Variants in CASK observed in about 807,000 individuals in gnomAD.
CASK encodes calcium/calmodulin dependent serine protein kinase.
A neutral mutation model predicts 82.9 loss-of-function variants in CASK; 4 were observed. That is an observed-to-expected ratio of 0.05 (90% CI 0.02 to 0.11). CASK has a LOEUF of 0.11. CASK is among the 10% of genes least tolerant of loss of function. CASK has a pLI of 1.00. For synonymous variants in CASK, 259 were observed against 253.5 expected (o/e 1.02, Z -0.20); for missense variants, 358 against 720.9 (o/e 0.50, Z 5.76).
At chrX:41,705,029 G>A (rs1387909712) in intron 5 of CASK, among the ~76,000 whole-genome samples, 1 of 112,317 alleles carries the variant, frequency 8.9e-6, no homozygotes, top group Non-Finnish European at 1.9e-5. Context: ...GCTAGAAGCT[G>A]AGGGTAAACA....
chrX:41,709,587 C>T (rs1475847662), intron 5 of CASK, among the ~76,000 whole-genome samples: 1 of 111,429 alleles, frequency 9.0e-6, no homozygotes. Flanking sequence ...GCAAGTTATC[C>T]TCTGTGGACC....
At chrX:41,626,110 T>C (rs183231855) in intron 10 of CASK, among the ~76,000 whole-genome samples, 50 of 110,083 alleles carry the variant, frequency 4.5e-4, no homozygotes, top group African/African-American at 1.5e-3. Context: ...GGCCGTGTTA[T>C]AGATTTTTAT....
intron 1 of CASK, among the ~76,000 whole-genome samples, chrX:41,874,809 T>G (rs147838968): frequency 1.8e-5 from 2 of 112,515 alleles, no homozygotes; most frequent in East Asian, 5.6e-4. Context: ...TCAACTCTAG[T>G]AGATAAAATG....
intron 2 of CASK, among the ~76,000 whole-genome samples, chrX:41,793,363 C>A: frequency 8.9e-6 from 1 of 111,823 alleles, no homozygotes; most frequent in East Asian, 2.8e-4. Flanking sequence ...CTCTTTACAT[C>A]ACACCACAGT....
chrX:41,854,209 C>G (rs776057274), intron 1 of CASK, among the ~76,000 whole-genome samples: 4 of 88,180 alleles, frequency 4.5e-5, no homozygotes, highest in African/African-American at 1.7e-4. Context: ...AACATGCGCG[C>G]GCGCGCGGGC....
chrX:41,897,726 A>G (rs2072294486), intron 1 of CASK, among the ~76,000 whole-genome samples: 2 of 111,474 alleles, frequency 1.8e-5, no homozygotes, highest in Admixed American at 9.5e-5. Flanking sequence ...TTAAGGTCAC[A>G]CAGTAATATT....
At chrX:41,856,548 G>T (rs2071373480) in intron 1 of CASK, among the ~76,000 whole-genome samples, 1 of 111,044 alleles carries the variant, frequency 9.0e-6, no homozygotes, top group Admixed American at 9.5e-5. Context: ...AGCCCTAGGT[G>T]GTCTCCTGTA....
intron 12 of CASK, among the ~76,000 whole-genome samples, chrX:41,608,710 C>T (rs2065994155): frequency 8.9e-6 from 1 of 112,155 alleles, no homozygotes; most frequent in East Asian, 2.8e-4. Flanking sequence ...AGTCTGCTGT[C>T]AGTGGAGCCT....
At chrX:41,774,127 A>G (rs1387773616) in intron 3 of CASK, among the ~76,000 whole-genome samples, 1 of 111,554 alleles carries the variant, frequency 9.0e-6, no homozygotes, top group East Asian at 2.8e-4. Context: ...AGGGTATTCA[A>G]TTAGGAAAAG....
intron 2 of CASK, among the ~76,000 whole-genome samples, chrX:41,805,926 C>G (rs2070113529): frequency 9.0e-6 from 1 of 111,722 alleles, no homozygotes; most frequent in African/African-American, 3.3e-5. Flanking sequence ...GATATACCCA[C>G]TCCCGTGACA....
At chrX:41,711,215 A>G (rs1449746184) in intron 5 of CASK, among the ~76,000 whole-genome samples, 1 of 112,159 alleles carries the variant, frequency 8.9e-6, no homozygotes, top group African/African-American at 3.2e-5. Flanking sequence ...CTCTAGGTAC[A>G]TAGTGTCAGA....
chrX:41,670,523 G>A (rs1230285869), intron 6 of CASK, among the ~76,000 whole-genome samples: 1 of 111,896 alleles, frequency 8.9e-6, no homozygotes, highest in Non-Finnish European at 1.9e-5. Context: ...GAGGCAGGAG[G>A]ACTGCTTAGG....
intron 1 of CASK, among the ~76,000 whole-genome samples, chrX:41,872,942 G>A (rs1223518536): frequency 9.0e-6 from 1 of 110,881 alleles, no homozygotes; most frequent in African/African-American, 3.3e-5. Context: ...CTGGGGCCAT[G>A]GGCTACTCCT....
chrX:41,587,704 T>C (rs2065677122), intron 13 of CASK: 1 of 112,313 alleles, frequency 8.9e-6, no homozygotes, highest in Non-Finnish European at 1.9e-5. Flanking sequence ...GTAAAATTGA[T>C]TGTTTTCAAA....
intron 3 of CASK, among the ~76,000 whole-genome samples, chrX:41,772,957 C>T (rs1437457861): frequency 4.5e-5 from 5 of 111,023 alleles, no homozygotes; most frequent in Admixed American, 1.9e-4. Flanking sequence ...GCTGATATTG[C>T]GCCACTGCGC....
At chrX:41,524,332 AT>A in intron 25 of CASK, 1 of 263,725 alleles carries the variant, frequency 3.8e-6, no homozygotes, top group Non-Finnish European at 6.7e-6. Context: ...GTTAATGTTC[AT>A]TTAAACCTGG....
intron 25 of CASK, among the ~76,000 whole-genome samples, chrX:41,526,804 C>T (rs1190219372): frequency 8.9e-6 from 1 of 111,749 alleles, no homozygotes; most frequent in African/African-American, 3.3e-5. Flanking sequence ...TATTTCTATA[C>T]TTTATTATTG....
At chrX:41,901,679 T>C (rs894748642) in intron 1 of CASK, among the ~76,000 whole-genome samples, 2 of 110,825 alleles carry the variant, frequency 1.8e-5, no homozygotes, top group Non-Finnish European at 3.8e-5. Context: ...CGGCTTGAGT[T>C]TGCTAGGGTG....
chrX:41,676,572 G>C, intron 5 of CASK: 1 of 820,587 alleles, frequency 1.2e-6, no homozygotes, highest in East Asian at 3.2e-5. Flanking sequence ...GCGCCGCTGG[G>C]CCGGGCCTGG....
Sources: gnomAD v4.1 joint callset for allele counts (sites outside exome capture counted in the v4.1 genomes callset) on GRCh38, gnomAD v4.1.1 for gene constraint, MANE v1.5 for transcripts, NCBI Gene and HGNC (gene_info 2026-07-23, HGNC 2026-07-21) for gene names.